The following ME3 variants were observed in gnomAD, a reference collection of about 807,000 sequenced individuals.
ME3 encodes the protein NADP-dependent malic enzyme, mitochondrial.
In ME3, 48 loss-of-function variants were observed where a neutral mutation model predicts 68.9. The observed-to-expected ratio is 0.70, with a 90% CI of 0.55 to 0.89. The LOEUF (loss-of-function observed/expected upper bound fraction) is 0.89, where lower values mean the gene tolerates loss of function less well. ME3 is among the 40% of genes least tolerant of loss of function. The probability of loss-of-function intolerance (pLI) is 0.00; values close to 1 mark genes in which losing one functional copy is unlikely to be tolerated. For synonymous variants in ME3, 320 were observed against 318.8 expected (o/e 1.00, Z -0.04); for missense variants, 675 against 797.4 (o/e 0.85, Z 1.85).
intron 2 of ME3, among the ~76,000 whole-genome samples, chr11:86,603,584 C>T (rs1287036069): frequency 6.6e-6 from 1 of 152,122 alleles, no homozygotes; most frequent in Non-Finnish European, 1.5e-5. Context: ...ACCCAGCCAT[C>T]CCATTACTGG....
intron 8 of ME3, among the ~76,000 whole-genome samples, chr11:86,456,434 G>A (rs1949930215): frequency 6.6e-6 from 1 of 152,134 alleles, no homozygotes; most frequent in Non-Finnish European, 1.5e-5. Context: ...GATGGGGATT[G>A]GAGATCATGG....
intron 8 of ME3, among the ~76,000 whole-genome samples, chr11:86,463,822 G>A (rs1427393537): frequency 6.6e-6 from 1 of 152,204 alleles, no homozygotes; most frequent in Non-Finnish European, 1.5e-5. Flanking sequence ...TCTGGGAATG[G>A]CATGGTGAAT....
chr11:86,546,798 C>T (rs1259829200), intron 4 of ME3, among the ~76,000 whole-genome samples: 1 of 152,158 alleles, frequency 6.6e-6, no homozygotes, highest in Admixed American at 6.5e-5. Flanking sequence ...CAATTTGACC[C>T]AGCAATCCCA....
intron 4 of ME3, among the ~76,000 whole-genome samples, chr11:86,527,213 C>T (rs544668470): frequency 9.2e-5 from 14 of 152,118 alleles, no homozygotes; most frequent in Non-Finnish European, 1.5e-4. Flanking sequence ...AACTACGTGA[C>T]GAATGCACAA....
intron 14 of ME3, 73 bp from the exon 15 acceptor site, chr11:86,441,513 A>G (rs1948995489): frequency 2.1e-6 from 3 of 1,429,420 alleles, no homozygotes; most frequent in South Asian, 3.0e-5. Flanking sequence ...GCTTGGGAGC[A>G]TGGGGGAGGG....
chr11:86,467,651 T>G (rs1168129166), intron 7 of ME3, among the ~76,000 whole-genome samples: 1 of 126,724 alleles, frequency 7.9e-6, no homozygotes, highest in Non-Finnish European at 1.7e-5. Context: ...TGTGTGTCTG[T>G]CTCTCTCTGT....
chr11:86,648,324 C>G (rs1456949989), intron 2 of ME3, among the ~76,000 whole-genome samples: 1 of 152,172 alleles, frequency 6.6e-6, no homozygotes, highest in Non-Finnish European at 1.5e-5. Context: ...ACAGCTAAAG[C>G]AGTGTTAAGA....
At chr11:86,509,922 A>G (rs1953392984) in intron 4 of ME3, among the ~76,000 whole-genome samples, 1 of 152,230 alleles carries the variant, frequency 6.6e-6, no homozygotes, top group Admixed American at 6.5e-5. Flanking sequence ...TCCAGAGTCC[A>G]TAGAATCTAG....
chr11:86,568,803 T>G (rs1403687998), intron 2 of ME3, among the ~76,000 whole-genome samples: 1 of 152,214 alleles, frequency 6.6e-6, no homozygotes, highest in Admixed American at 6.5e-5. Context: ...TGACAATCTC[T>G]TCTCCTTCAT....
intron 2 of ME3, among the ~76,000 whole-genome samples, chr11:86,597,136 C>T (rs545472988): frequency 3.9e-5 from 6 of 152,272 alleles, no homozygotes; most frequent in African/African-American, 1.2e-4. Flanking sequence ...CCCAGACTTG[C>T]GAATGACATT....
At chr11:86,645,724 G>T (rs1395101050) in intron 2 of ME3, among the ~76,000 whole-genome samples, 3 of 152,214 alleles carry the variant, frequency 2.0e-5, no homozygotes, top group Admixed American at 6.5e-5. Context: ...GCCTCCTCAA[G>T]TGGGTCCCTG....
chr11:86,504,635 C>G (rs972645480), intron 5 of ME3, among the ~76,000 whole-genome samples: 1 of 151,960 alleles, frequency 6.6e-6, no homozygotes, highest in African/African-American at 2.4e-5. Flanking sequence ...CTCAGGTGAT[C>G]TGCCCACCTC....
chr11:86,559,911 A>T, intron 2 of ME3, 88 bp from the exon 3 acceptor site: 1 of 1,446,498 alleles, frequency 6.9e-7, no homozygotes, highest in Non-Finnish European at 9.3e-7. Context: ...AGATAGGTAA[A>T]AGTCAGTGTG....
At chr11:86,644,547 C>T (rs1944879156) in intron 2 of ME3, among the ~76,000 whole-genome samples, 1 of 152,190 alleles carries the variant, frequency 6.6e-6, no homozygotes, top group South Asian at 2.1e-4. Flanking sequence ...CCAGAGCCTT[C>T]CATGCCAAGC....
At chr11:86,586,277 G>A (rs930179345) in intron 2 of ME3, among the ~76,000 whole-genome samples, 2 of 152,180 alleles carry the variant, frequency 1.3e-5, no homozygotes, top group South Asian at 4.2e-4. Context: ...AGGTTAGTGG[G>A]TAGGAGCAAT....
At chr11:86,567,121 G>T (rs1394627679) in intron 2 of ME3, among the ~76,000 whole-genome samples, 1 of 152,080 alleles carries the variant, frequency 6.6e-6, no homozygotes, top group Non-Finnish European at 1.5e-5. Context: ...GGAGGCTGAG[G>T]CAGGAAAATC....
chr11:86,545,665 G>T lies in ME3; in HGVS notation c.467+10888C>A, dbSNP rs553521746. Among the ~76,000 whole-genome samples, 8 of 152,262 alleles carry T rather than the reference G, an allele frequency of 5.3e-5. No homozygotes were observed. The East Asian group carries it at 1.4e-3, about 26-fold the overall frequency. On this transcript the variant is annotated intron_variant, in intron 4 of 14. Transcript: ENST00000543262. ...AACCACTGCTCAAGGAAATAAGAGA[G>T]GACATAAACAAATGGAAAAACATTC... is the stretch of plus-strand genomic sequence containing the variant.
rs937396157 is a variant in ME3, at chr11:86,446,604, A to G, written c.1381-117T>C. 29 of 997,594 alleles carry G rather than the reference A, an allele frequency of 2.9e-5. No individual in the cohort carries two copies. The African/African-American group carries it at 4.3e-4, about 15-fold the overall frequency. The allele number at this position is 997,594 out of a possible 1,614,324, so 61.8% of individuals were successfully genotyped here. A position where few individuals can be genotyped will look rare whatever the true frequency, so the allele number is the denominator to read the frequency against. On this transcript the variant is annotated intron_variant, in intron 12 of 14. Transcript: ENST00000543262. The stretch of plus-strand genomic sequence containing the variant: ...CTTCATCCTCTCCCAAACGCCCAGC[A>G]CTGTGCTGAGAACATGGCAGGTATT...
chr11:86,642,616 T>C (rs770183763), intron 2 of ME3, among the ~76,000 whole-genome samples: 13 of 152,118 alleles, frequency 8.5e-5, no homozygotes, highest in Non-Finnish European at 1.9e-4. Flanking sequence ...TGGGAATGGA[T>C]CCCTTAACCC....
Sources: gnomAD v4.1 joint callset for allele counts (sites outside exome capture counted in the v4.1 genomes callset) on GRCh38, gnomAD v4.1.1 for gene constraint, MANE v1.5 for transcripts, NCBI Gene and HGNC (gene_info 2026-07-23, HGNC 2026-07-21) for gene names.